The following SMAD1 variants were observed in gnomAD, a reference collection of about 807,000 sequenced individuals.
The protein encoded by SMAD1 is MAD, mothers against decapentaplegic homolog 1.
In SMAD1, 6 loss-of-function variants were observed where a neutral mutation model predicts 41.6. The observed-to-expected ratio is 0.14, with a 90% CI of 0.08 to 0.28. The LOEUF (loss-of-function observed/expected upper bound fraction) is 0.28. Ranked by LOEUF, SMAD1 falls within the 10% of genes least tolerant of loss-of-function variation. The pLI, the probability that SMAD1 is intolerant of heterozygous loss-of-function variation, is 1.00. For missense variants in SMAD1, 379 were observed against 582.6 expected (o/e 0.65, Z 3.60); for synonymous variants, 206 against 203.2 (o/e 1.01, Z -0.12).
intron 4 of SMAD1, chr4:145,544,568 CA>C (rs1732141052): frequency 7.3e-6 from 1 of 136,110 alleles, no homozygotes; most frequent in African/African-American, 2.8e-5. Flanking sequence ...GCAACAAGAG[CA>C]AAACTCAGTC....
At chr4:145,518,010 A>G (rs1433349206) in intron 2 of SMAD1, among the ~76,000 whole-genome samples, 1 of 127,030 alleles carries the variant, frequency 7.9e-6, no homozygotes, top group African/African-American at 2.5e-5. Context: ...TTTTCACATT[A>G]TGAAGTGACT....
rs147627040 is a variant in SMAD1 at position 145,526,608 on chromosome 4, A to G, written c.400+11595A>G. On this transcript the variant is annotated intron_variant, in intron 2 of 6. Coordinates refer to ENST00000302085, the MANE Select transcript of SMAD1 (RefSeq NM_005900.3). ...TGACAAATCTGAGACAATTTGATCA[A>G]CGGAATAATTAAGGACAGAAGTGAA... Among the ~76,000 whole-genome samples, 430 of 151,470 alleles carry G rather than the reference A, an allele frequency of 2.8e-3. 12 individuals are homozygous for G. The highest frequency in any genetic ancestry group is 7.6e-3 in the East Asian group (37 of 4,874).
intron 2 of SMAD1, among the ~76,000 whole-genome samples, chr4:145,519,741 A>G (rs981251071): frequency 6.6e-6 from 1 of 152,028 alleles, no homozygotes; most frequent in African/African-American, 2.4e-5. Context: ...TAGATCACCA[A>G]AACTTACTAC....
rs148911113 is a variant in SMAD1, at chr4:145,546,776, G to A, written c.849G>A (p.Val283=). 4 of 1,614,064 alleles carry A rather than the reference G, an allele frequency of 2.5e-6. No homozygotes were observed. The highest frequency in any genetic ancestry group is 3.4e-6 in the Non-Finnish European group (4 of 1,179,976). ...SIVYYELNNR[V]GEAFHASSTS... ...TCTACTATGAGCTCAACAATCGTGTGGGTGAAGCGTTCCATGCCTCCTCCA... is the reference window on the plus strand; with the variant it reads ...TCTACTATGAGCTCAACAATCGTGTAGGTGAAGCGTTCCATGCCTCCTCCA... The change falls in exon 5 of 7, where the codon GTG becomes GTA. Residue 283 remains valine (V), a synonymous_variant. Transcript: ENST00000302085.
intron 1 of SMAD1, among the ~76,000 whole-genome samples, chr4:145,509,619 A>C (rs543346660): frequency 3.3e-4 from 51 of 152,334 alleles, no homozygotes; most frequent in African/African-American, 1.2e-3. Flanking sequence ...ATAGAATATG[A>C]AGAAATACAC....
Position 145,553,900 on chromosome 4 carries a change from T to C in SMAD1, c.1114T>C (p.Cys372Arg). Reference sequence around the variant, plus strand: ...TCATGGATTTCATCCTACTACTGTTTGCAAGATCCCTAGTGGGTGTAGTCT... The same window carrying C: ...TCATGGATTTCATCCTACTACTGTTCGCAAGATCCCTAGTGGGTGTAGTCT... Reference protein sequence around the residue: ...YHHGFHPTTVCKIPSGCSLKI... With the variant: ...YHHGFHPTTVRKIPSGCSLKI... The change falls in exon 6 of 7, where the codon TGC becomes CGC. Residue 372 changes from cysteine to arginine, a missense_variant. Cys to Arg is a radical substitution (Grantham distance 180). Transcript: ENST00000302085. The C allele has an allele frequency of 6.2e-7, 1 of 1,614,220 alleles. No individual in the cohort carries two copies. The highest frequency in any genetic ancestry group is 8.5e-7 in the Non-Finnish European group (1 of 1,180,036).
chr4:145,518,501 AT>A (rs199527352), intron 2 of SMAD1, among the ~76,000 whole-genome samples: 19,730 of 115,200 alleles, frequency 0.17, 4,835 homozygotes, highest in African/African-American at 0.4. Context: ...AAAAAAAAAA[AT>A]AAAAATGTGC....
chr4:145,502,093 A>G (rs1331728389), intron 1 of SMAD1, among the ~76,000 whole-genome samples: 2 of 152,180 alleles, frequency 1.3e-5, no homozygotes, highest in Non-Finnish European at 2.9e-5. Flanking sequence ...TTCTGAGACA[A>G]CTACCATAGA....
At chr4:145,535,837 A>G (rs183457167) in intron 2 of SMAD1, among the ~76,000 whole-genome samples, 1 of 152,254 alleles carries the variant, frequency 6.6e-6, no homozygotes, top group Admixed American at 6.5e-5. Flanking sequence ...CTAAGCGCAA[A>G]TAGCAACAGA....
intron 2 of SMAD1, among the ~76,000 whole-genome samples, chr4:145,538,534 A>G (rs1731738257): frequency 6.6e-6 from 1 of 152,176 alleles, no homozygotes; most frequent in Non-Finnish European, 1.5e-5. Context: ...TTCAGCTCAT[A>G]AAAAAGTGAT....
At chr4:145,546,485 A>C (rs1446217330) in intron 4 of SMAD1, 1 of 538,448 alleles carries the variant, frequency 1.9e-6, no homozygotes, top group African/African-American at 1.9e-5. Flanking sequence ...GTAATTGGAG[A>C]AAATTGTTCT....
In SMAD1 at chr4:145,481,855, A is replaced by T. The variant is rs1728191445; in HGVS notation, c.-360A>T. The stretch of plus-strand genomic sequence containing the variant: ...GACTCCCTGACGCCAGCGCGACCAG[A>T]TCAATCCAGGCTCCAGGAGAAAGCA... On this transcript the variant is annotated 5_prime_UTR_variant, in exon 1 of 7. Transcript: ENST00000302085. The T allele has an allele frequency of 6.2e-6, 1 of 160,366 alleles. No individual in the cohort carries two copies. Among genetic ancestry groups the T allele is most frequent in the South Asian group, 1.7e-4 (1 of 5,998 alleles). 9.9% of individuals were successfully genotyped at this position (160,366 alleles called of 1,614,324 possible). A position where few individuals can be genotyped will look rare whatever the true frequency, so the allele number is the denominator to read the frequency against.
chr4:145,523,414 CTTAAATCAGT>C (rs1377377373), intron 2 of SMAD1, among the ~76,000 whole-genome samples: 3 of 152,050 alleles, frequency 2.0e-5, no homozygotes, highest in African/African-American at 7.2e-5. Context: ...GCAGAAAGGA[CTTAAATCAGT>C]TTACAGGTTT....
At position 145,550,814 on chromosome 4, in the gene SMAD1, A is replaced by G. The variant is rs2126546387; in HGVS notation, c.998-2970A>G. ...CACAGAAAACATCAGTTTCTTGGAA[A>G]TAATCTGAACCTGCAATATGTGAGA... On this transcript the variant is annotated intron_variant, in intron 5 of 6. Transcript: ENST00000302085. 2.0e-5 allele frequency among the ~76,000 whole-genome samples: 3 copies of G among 152,358 alleles called. No homozygotes were observed. In the East Asian group the frequency reaches 5.8e-4, roughly 29 times the overall value.
At chr4:145,499,030 T>G (rs1030346690) in intron 1 of SMAD1, among the ~76,000 whole-genome samples, 2 of 152,182 alleles carry the variant, frequency 1.3e-5, no homozygotes, top group African/African-American at 4.8e-5. Flanking sequence ...TCTACCATCC[T>G]CTATAAAAAA....
chr4:145,522,701 A>T (rs972850660), intron 2 of SMAD1, among the ~76,000 whole-genome samples: 1 of 151,734 alleles, frequency 6.6e-6, no homozygotes, highest in African/African-American at 2.4e-5. Context: ...TTAATTTGAG[A>T]TGGAGTCTCG....
chr4:145,508,391 C>T (rs113707508), intron 1 of SMAD1, among the ~76,000 whole-genome samples: 3 of 152,096 alleles, frequency 2.0e-5, no homozygotes, highest in South Asian at 4.2e-4. Context: ...CCACTTATAG[C>T]TGTCTACATA....
At chr4:145,515,166 G>GTC (rs1286516565) in intron 2 of SMAD1, among the ~76,000 whole-genome samples, 153 bp downstream of exon 2, 3 of 151,080 alleles carry the variant, frequency 2.0e-5, no homozygotes, top group East Asian at 1.9e-4. Flanking sequence ...GTGTGTGTGT[G>GTC]TGTGTGTGTG....
intron 1 of SMAD1, among the ~76,000 whole-genome samples, chr4:145,503,224 T>C (rs562004605): frequency 1.1e-4 from 17 of 152,214 alleles, no homozygotes; most frequent in African/African-American, 3.1e-4. Context: ...GGAACTTTAC[T>C]TGTGGTGTTT....
Sources: gnomAD v4.1 joint callset for allele counts (sites outside exome capture counted in the v4.1 genomes callset) on GRCh38, gnomAD v4.1.1 for gene constraint, MANE v1.5 for transcripts, NCBI Gene and HGNC (gene_info 2026-07-23, HGNC 2026-07-21) for gene names.